Variants in ANKRD30BL observed in about 807,000 individuals in gnomAD.
The protein encoded by ANKRD30BL is ankyrin repeat domain 30B like.
ANKRD30BL carries 20 observed loss-of-function variants against 18.4 expected under a neutral mutation model. The ratio of observed to expected loss-of-function variants is 1.09; its 90% CI spans 0.77 to 1.58. The LOEUF (loss-of-function observed/expected upper bound fraction) is 1.58, where lower values mean the gene tolerates loss of function less well. ANKRD30BL is among the 40% of genes most tolerant of loss of function. ANKRD30BL has a pLI of 0.00. For synonymous variants in ANKRD30BL, 72 were observed against 100.9 expected (o/e 0.71, Z 1.72); for missense variants, 224 against 268.6 (o/e 0.83, Z 1.16).
chr2:132,198,284 C>T (rs1431493262), intron 1 of ANKRD30BL, among the ~76,000 whole-genome samples: 31 of 8,768 alleles, frequency 3.5e-3, no homozygotes, highest in African/African-American at 8.4e-3. Context: ...TTCTTTCTTT[C>T]TTTCTTTCTT....
chr2:132,149,505 G>A (rs182264802), intron 5 of ANKRD30BL, among the ~76,000 whole-genome samples: 1 of 152,230 alleles, frequency 6.6e-6, no homozygotes, highest in Non-Finnish European at 1.5e-5. Flanking sequence ...TCTGACTTCT[G>A]CACTCAGTAG....
intron 1 of ANKRD30BL, among the ~76,000 whole-genome samples, chr2:132,222,201 G>A (rs542340700): frequency 5.7e-4 from 85 of 148,090 alleles, no homozygotes; most frequent in Middle Eastern, 3.5e-3. Context: ...CGCCCCGTCC[G>A]GGAGGGTGGT....
chr2:132,162,505 G>A (rs1197993348), upstream of ANKRD30BL, among the ~76,000 whole-genome samples: 4 of 152,328 alleles, frequency 2.6e-5, no homozygotes, highest in East Asian at 7.8e-4. Context: ...CTGTACAGCT[G>A]CGGCGATGAG....
intron 1 of ANKRD30BL, among the ~76,000 whole-genome samples, chr2:132,247,708 C>T (rs1471685485): frequency 1.3e-5 from 2 of 151,994 alleles, no homozygotes; most frequent in South Asian, 2.1e-4. Flanking sequence ...TGAAAGCACA[C>T]ATCATAAGGA....
chr2:132,221,319 T>TGG (rs1196237011), intron 1 of ANKRD30BL, among the ~76,000 whole-genome samples: 8 of 80,706 alleles, frequency 9.9e-5, no homozygotes, highest in African/African-American at 3.5e-4. Context: ...AGGAGGGAGG[T>TGG]GGGGGGGTCA....
intron 1 of ANKRD30BL, among the ~76,000 whole-genome samples, chr2:132,221,480 G>A (rs1442633675): frequency 8.2e-6 from 1 of 122,052 alleles, no homozygotes; most frequent in African/African-American, 3.9e-5. Flanking sequence ...GCCTCTGCCT[G>A]GCCGCCCCTA....
intron 1 of ANKRD30BL, among the ~76,000 whole-genome samples, chr2:132,201,353 C>G (rs1679093419): frequency 6.6e-6 from 1 of 152,024 alleles, no homozygotes; most frequent in South Asian, 2.1e-4. Flanking sequence ...TCAGAGTGAA[C>G]AGGCAACCTA....
At chr2:132,209,723 C>A (rs1679293439) in intron 1 of ANKRD30BL, among the ~76,000 whole-genome samples, 1 of 152,196 alleles carries the variant, frequency 6.6e-6, no homozygotes, top group Non-Finnish European at 1.5e-5. Flanking sequence ...TGAGAAAGTT[C>A]TTTGTGATGT....
intron 1 of ANKRD30BL, among the ~76,000 whole-genome samples, chr2:132,233,649 A>G (rs1308268311): frequency 6.6e-6 from 1 of 151,318 alleles, no homozygotes; most frequent in Non-Finnish European, 1.5e-5. Context: ...TCCTAAATCT[A>G]TATGCACCCA....
chr2:132,233,296 G>A (rs931886711), intron 1 of ANKRD30BL, among the ~76,000 whole-genome samples: 1 of 149,892 alleles, frequency 6.7e-6, no homozygotes, highest in Admixed American at 6.7e-5. Flanking sequence ...AAAATAACCA[G>A]CTAACATCAT....
intron 1 of ANKRD30BL, among the ~76,000 whole-genome samples, chr2:132,178,835 A>C (rs1688407830): frequency 6.6e-6 from 1 of 152,196 alleles, no homozygotes; most frequent in Non-Finnish European, 1.5e-5. Flanking sequence ...ATTAAACATG[A>C]TAGGGGAAAA....
At chr2:132,164,761 G>A (rs1418676647), upstream of ANKRD30BL, among the ~76,000 whole-genome samples, 1 of 152,062 alleles carries the variant, frequency 6.6e-6, no homozygotes. Flanking sequence ...CATATATTAA[G>A]TGACATTCTT....
At chr2:132,248,960 C>T (rs1680576835) in intron 1 of ANKRD30BL, among the ~76,000 whole-genome samples, 1 of 152,212 alleles carries the variant, frequency 6.6e-6, no homozygotes, top group African/African-American at 2.4e-5. Flanking sequence ...GATGATATTT[C>T]CTTTTTCACC....
At chr2:132,254,071 GAC>G (rs1408702658) in intron 1 of ANKRD30BL, among the ~76,000 whole-genome samples, 1 of 146,496 alleles carries the variant, frequency 6.8e-6, no homozygotes, top group Non-Finnish European at 1.5e-5. Context: ...CGCGCCCACC[GAC>G]ACACACATGG....
At chr2:132,235,326 A>G (rs1317210572) in intron 1 of ANKRD30BL, among the ~76,000 whole-genome samples, 2 of 152,212 alleles carry the variant, frequency 1.3e-5, no homozygotes, top group African/African-American at 4.8e-5. Context: ...TAGGGTTGGA[A>G]GTTCTGACCA....
At chr2:132,209,338 A>C (rs1352391831) in intron 1 of ANKRD30BL, among the ~76,000 whole-genome samples, 2 of 151,008 alleles carry the variant, frequency 1.3e-5, no homozygotes, top group Non-Finnish European at 3.0e-5. Flanking sequence ...GGAAAGGGAA[A>C]TATCTTCCCT....
chr2:132,231,695 C>T (rs1407627446), intron 1 of ANKRD30BL, among the ~76,000 whole-genome samples: 4 of 152,156 alleles, frequency 2.6e-5, no homozygotes, highest in Non-Finnish European at 2.9e-5. Context: ...CCTACACCCA[C>T]GGAGTCTCGC....
intron 1 of ANKRD30BL, among the ~76,000 whole-genome samples, chr2:132,199,005 AAAT>A (rs1330539828): frequency 1.3e-5 from 2 of 152,192 alleles, no homozygotes; most frequent in Non-Finnish European, 2.9e-5. Context: ...TGAAGTTATA[AAAT>A]TACTTCTGGA....
chr2:132,257,812 AG>A (rs1279070418), exon 1 of ANKRD30BL: 2 of 153,430 alleles, frequency 1.3e-5, no homozygotes, highest in Non-Finnish European at 2.9e-5. Flanking sequence ...CGGTCTGGGC[AG>A]GGGGCCTGGC....
Sources: gnomAD v4.1 joint callset for allele counts (sites outside exome capture counted in the v4.1 genomes callset) on GRCh38, gnomAD v4.1.1 for gene constraint, MANE v1.5 for transcripts, NCBI Gene and HGNC (gene_info 2026-07-23, HGNC 2026-07-21) for gene names.